The following PTPRN2 variants were observed in gnomAD, a reference collection of about 807,000 sequenced individuals.
The protein encoded by PTPRN2 is receptor-type tyrosine-protein phosphatase N2.
A neutral mutation model predicts 118.8 loss-of-function variants in PTPRN2; 74 were observed. The ratio of observed to expected loss-of-function variants is 0.62; its 90% CI spans 0.52 to 0.76. The LOEUF is 0.76. Among genes scored for constraint, PTPRN2 ranks in the 30% least tolerant of loss-of-function variants. The pLI is 0.00. For missense variants in PTPRN2, 1,481 were observed against 1,394.4 expected (o/e 1.06, Z -0.99); for synonymous variants, 641 against 608.0 (o/e 1.05, Z -0.80).
intron 2 of PTPRN2, among the ~76,000 whole-genome samples, chr7:158,470,124 G>A (rs534079041): frequency 1.7e-4 from 26 of 152,344 alleles, no homozygotes; most frequent in African/African-American, 5.1e-4. Flanking sequence ...GTGGAAAATC[G>A]TCAAGTAGAA....
intron 2 of PTPRN2, among the ~76,000 whole-genome samples, chr7:158,466,899 G>T (rs1337603029): frequency 1.3e-5 from 2 of 152,178 alleles, no homozygotes; most frequent in Non-Finnish European, 2.9e-5. Flanking sequence ...AAATTAGCTA[G>T]GCATGGTGGC....
In PTPRN2 at chr7:158,570,556, C is replaced by A. The variant is rs1586961131; in HGVS notation, c.112+17002G>T. ...CCCCCGGCCGGCTCTGCCACTGAAG[C>A]CTCTCCCTGTGTCCTCCGTGCCCCC... is the stretch of plus-strand genomic sequence containing the variant. On this transcript the variant is annotated intron_variant, in intron 1 of 22. Transcript: ENST00000389418. This position sits in a 1 kb window ranked among gnomAD's most constrained non-coding sequence, Gnocchi z 4.5. 6.6e-6 allele frequency among the ~76,000 whole-genome samples: 1 copy of A among 152,170 alleles called. No individual in the cohort carries two copies. The highest frequency in any genetic ancestry group is 2.1e-4 in the South Asian group (1 of 4,816).
chr7:158,055,991 C>T (rs1457751717), intron 11 of PTPRN2, among the ~76,000 whole-genome samples: 4 of 152,216 alleles, frequency 2.6e-5, no homozygotes, highest in Non-Finnish European at 4.4e-5. Flanking sequence ...GGGCCCTGTT[C>T]CAGACCCCAC....
intron 12 of PTPRN2, among the ~76,000 whole-genome samples, chr7:157,731,158 C>A (rs1253434741): frequency 6.6e-6 from 1 of 152,154 alleles, no homozygotes; most frequent in African/African-American, 2.4e-5. Context: ...CTCCTGCTAA[C>A]CTCGTCCAGT....
chr7:158,150,864 T>C (rs1189067040), intron 6 of PTPRN2, among the ~76,000 whole-genome samples: 1 of 152,070 alleles, frequency 6.6e-6, no homozygotes, highest in Non-Finnish European at 1.5e-5. Context: ...TTTCTGTTCT[T>C]CCAACCCAAC....
intron 11 of PTPRN2, among the ~76,000 whole-genome samples, chr7:158,077,162 G>T (rs1812424231): frequency 1.3e-5 from 2 of 152,220 alleles, no homozygotes; most frequent in African/African-American, 4.8e-5. Context: ...CATCGGCACA[G>T]AGTCCAGTTC....
intron 2 of PTPRN2, among the ~76,000 whole-genome samples, chr7:158,389,839 G>A (rs1811790119): frequency 6.6e-6 from 1 of 152,254 alleles, no homozygotes; most frequent in African/African-American, 2.4e-5. Flanking sequence ...CGGGCTCTTG[G>A]AGAAAAGAGG....
intron 19 of PTPRN2, among the ~76,000 whole-genome samples, chr7:157,575,989 C>T (rs898231688): frequency 6.6e-6 from 1 of 152,184 alleles, no homozygotes; most frequent in Admixed American, 6.5e-5. Flanking sequence ...GTCTTAAATG[C>T]TGCTTTTTTT....
rs954015536 is a variant in PTPRN2 at position 158,025,140 on chromosome 7, T to C, written c.1723+56158A>G. On this transcript the variant is annotated intron_variant, in intron 11 of 22. Coordinates refer to ENST00000389418, the MANE Select transcript of PTPRN2 (RefSeq NM_002847.5). Reference sequence around the variant, plus strand: ...CTAAGAAGGACTTGACCTTTGAGTCTGAAAAACACCCTGCACTTTAGGAGC... The same window carrying C: ...CTAAGAAGGACTTGACCTTTGAGTCCGAAAAACACCCTGCACTTTAGGAGC... Among the ~76,000 whole-genome samples the C allele has an allele frequency of 6.6e-5, 10 of 152,258 alleles. No homozygotes were observed. The East Asian group carries it at 1.5e-3, about 24-fold the overall frequency.
chr7:158,211,707 A>G (rs111460641), intron 3 of PTPRN2, among the ~76,000 whole-genome samples: 5,225 of 152,318 alleles, frequency 0.034, 312 homozygotes, highest in African/African-American at 0.12. Context: ...TCCAAAAGAC[A>G]GGCAATAACA....
intron 2 of PTPRN2, among the ~76,000 whole-genome samples, chr7:158,403,444 C>A (rs1586584322): frequency 6.6e-6 from 1 of 152,368 alleles, no homozygotes; most frequent in East Asian, 1.9e-4. Flanking sequence ...GGCACAGGCC[C>A]AGCTGCCCTC....
intron 2 of PTPRN2, among the ~76,000 whole-genome samples, chr7:158,416,197 T>C (rs1025837013): frequency 2.0e-5 from 3 of 152,212 alleles, no homozygotes; most frequent in African/African-American, 4.8e-5. Flanking sequence ...AGGTCCACTT[T>C]GGGGCCCAGG....
chr7:157,790,142 G>A (rs368712655), intron 12 of PTPRN2, among the ~76,000 whole-genome samples: 2,030 of 140,532 alleles, frequency 0.014, 45 homozygotes, highest in South Asian at 0.11. Flanking sequence ...TGTGGTGGGG[G>A]TGTGTGTGGT....
chr7:158,363,190 A>C (rs1363069940), intron 2 of PTPRN2, among the ~76,000 whole-genome samples: 1 of 152,106 alleles, frequency 6.6e-6, no homozygotes, highest in Non-Finnish European at 1.5e-5. Context: ...AGGCAAGGGG[A>C]GGACACTAGG....
rs3065708 is a variant in PTPRN2, at chr7:158,100,244, G to GGTGT, written c.1643+10581_1643+10584dup. On this transcript the variant is annotated intron_variant, in intron 10 of 22. Coordinates refer to ENST00000389418, the MANE Select transcript of PTPRN2 (RefSeq NM_002847.5). ...TTTATGGCTGAATAGTATTCCATGG[G>GGTGT]GTGTGTGTGTGTGTGTGTGTGTGTG... Among the ~76,000 whole-genome samples, 747 of 147,414 alleles carry GGTGT rather than the reference G, an allele frequency of 5.1e-3. 5 individuals are homozygous for GGTGT. Among genetic ancestry groups the GGTGT allele is most frequent in the Middle Eastern group, 0.014 (4 of 290 alleles).
At chr7:157,795,922 C>T (rs994595968) in intron 12 of PTPRN2, among the ~76,000 whole-genome samples, 1 of 152,240 alleles carries the variant, frequency 6.6e-6, no homozygotes, top group African/African-American at 2.4e-5. Flanking sequence ...CCCTCAGAAA[C>T]CTGGGGCTAA....
intron 11 of PTPRN2, among the ~76,000 whole-genome samples, chr7:158,067,823 CAGCACACTGGGTCACGCTGGGCCAT>C (rs1810893660): frequency 6.6e-6 from 1 of 151,214 alleles, no homozygotes; most frequent in African/African-American, 2.4e-5. Flanking sequence ...GGGCCGTGGG[CAGCACACTGGGTCACGCTGGGCCAT>C]GGGCAGCACA....
chr7:157,840,272 C>T (rs369123196), intron 12 of PTPRN2, among the ~76,000 whole-genome samples: 22 of 102,684 alleles, frequency 2.1e-4, no homozygotes, highest in African/African-American at 3.6e-4. Context: ...TGTGTGGCCG[C>T]GTGTGACTGT....
intron 12 of PTPRN2, among the ~76,000 whole-genome samples, chr7:157,702,140 C>T (rs36120437): frequency 0.42 from 57,881 of 137,976 alleles, 12,914 homozygotes; most frequent in Non-Finnish European, 0.52. Flanking sequence ...TGTGAAAGCC[C>T]GGTCGGTCCT....
Sources: gnomAD v4.1 joint callset for allele counts (sites outside exome capture counted in the v4.1 genomes callset) on GRCh38, gnomAD v4.1.1 for gene constraint, Gnocchi (gnomAD v3.1) non-coding constraint, MANE v1.5 for transcripts, NCBI Gene and HGNC (gene_info 2026-07-23, HGNC 2026-07-21) for gene names.